Variants in VWA3A observed in about 807,000 individuals in gnomAD.
The protein encoded by VWA3A is von Willebrand factor A domain-containing protein 3A.
VWA3A carries 134 observed loss-of-function variants against 160.4 expected under a neutral mutation model. The observed-to-expected ratio is 0.84, with a 90% CI of 0.73 to 0.96. The LOEUF is 0.96. VWA3A is among the 40% of genes least tolerant of loss of function. VWA3A has a pLI of 0.00. For synonymous variants in VWA3A, 476 were observed against 543.4 expected (o/e 0.88, Z 1.72); for missense variants, 1,310 against 1,447.9 (o/e 0.90, Z 1.55).
At chr16:22,116,653 C>A (rs1276435993) in intron 9 of VWA3A, 106 bp from the exon 10 acceptor site, 11 of 853,932 alleles carry the variant, frequency 1.3e-5, no homozygotes, top group African/African-American at 3.3e-5. Flanking sequence ...ACACAGGTGG[C>A]CAGTTAAGAA....
At chr16:22,142,921 T>C (rs1002450575) in intron 25 of VWA3A, among the ~76,000 whole-genome samples, 156 bp downstream of exon 25, 5 of 151,882 alleles carry the variant, frequency 3.3e-5, no homozygotes, top group African/African-American at 7.3e-5. Context: ...GAGGCTGAGG[T>C]GGGTGGATCA....
intron 17 of VWA3A, among the ~76,000 whole-genome samples, chr16:22,128,423 C>A (rs1277099328): frequency 2.0e-5 from 3 of 151,972 alleles, no homozygotes; most frequent in East Asian, 1.9e-4. Context: ...ATATTAAAGT[C>A]AAAAAATAAC....
In VWA3A at chr16:22,138,515, T is replaced by C; in HGVS notation, c.2292+3T>C. ...CCGTCCCCCTGGGGGCCAGAATGGTTTGACTCCCCTCCTAATAACACGCAG... is the reference window on the plus strand; with the variant it reads ...CCGTCCCCCTGGGGGCCAGAATGGTCTGACTCCCCTCCTAATAACACGCAG... On this transcript the variant is annotated splice_donor_region_variant and intron_variant, in intron 22 of 33. Coordinates refer to ENST00000389398, the MANE Select transcript of VWA3A (RefSeq NM_173615.5). 1 of 1,613,822 alleles carries C rather than the reference T, an allele frequency of 6.2e-7. No individual in the cohort carries two copies.
At chr16:22,115,923 A>AAGGAAGGAAGGG (rs1156229417) in intron 9 of VWA3A, among the ~76,000 whole-genome samples, 2 of 19,560 alleles carry the variant, frequency 1.0e-4, no homozygotes, top group Non-Finnish European at 1.4e-4. Flanking sequence ...GGAAGGAAGG[A>AAGGAAGGAAGGG]AAGGAAAGGA....
intron 21 of VWA3A, among the ~76,000 whole-genome samples, 157 bp from the exon 22 acceptor site, chr16:22,138,203 A>G (rs544712328): frequency 1.3e-5 from 2 of 151,776 alleles, no homozygotes; most frequent in Non-Finnish European, 2.9e-5. Context: ...GGATTGGTCC[A>G]TAGCACTTTC....
At chr16:22,140,485 G>A (rs549462560) in intron 23 of VWA3A, among the ~76,000 whole-genome samples, 4 of 152,192 alleles carry the variant, frequency 2.6e-5, no homozygotes, top group African/African-American at 9.6e-5. Flanking sequence ...CATGCCTGAA[G>A]TCCCCCAAGT....
At chr16:22,098,490 A>G (rs759044384) in intron 3 of VWA3A, among the ~76,000 whole-genome samples, 1 of 152,170 alleles carries the variant, frequency 6.6e-6, no homozygotes, top group African/African-American at 2.4e-5. Flanking sequence ...ATGAAAATGC[A>G]TGACTTCCCA....
chr16:22,095,110 A>G (rs999082946), intron 1 of VWA3A, among the ~76,000 whole-genome samples: 1 of 152,198 alleles, frequency 6.6e-6, no homozygotes, highest in Non-Finnish European at 1.5e-5. Context: ...ATTTTAAAAA[A>G]TCCCTCTAAT....
At chr16:22,132,047 A>G (rs1390816469) in intron 19 of VWA3A, among the ~76,000 whole-genome samples, 1 of 152,112 alleles carries the variant, frequency 6.6e-6, no homozygotes, top group Non-Finnish European at 1.5e-5. Flanking sequence ...CCTGGACAAC[A>G]TAGCAACAAG....
At chr16:22,116,535 C>A (rs1414242256) in intron 9 of VWA3A, among the ~76,000 whole-genome samples, 1 of 152,138 alleles carries the variant, frequency 6.6e-6, no homozygotes, top group African/African-American at 2.4e-5. Context: ...TTCACACACA[C>A]ACGAGGGAAG....
chr16:22,123,206 A>C, intron 15 of VWA3A, 41 bp downstream of exon 15: 1 of 1,550,700 alleles, frequency 6.4e-7, no homozygotes. Flanking sequence ...GGGGTGCAGA[A>C]AGTGGGGACG....
intron 5 of VWA3A, among the ~76,000 whole-genome samples, chr16:22,102,218 G>T (rs2045417634): frequency 6.6e-6 from 1 of 152,086 alleles, no homozygotes; most frequent in Non-Finnish European, 1.5e-5. Context: ...AGGTGTGGTG[G>T]TGTGCATCTA....
intron 6 of VWA3A, among the ~76,000 whole-genome samples, chr16:22,106,612 T>C (rs751870687): frequency 1.3e-5 from 2 of 151,854 alleles, no homozygotes; most frequent in Non-Finnish European, 2.9e-5. Flanking sequence ...GAGTGAGCTA[T>C]GTGGAGAAAG....
chr16:22,145,649 A>AG (rs1158603341), intron 26 of VWA3A, among the ~76,000 whole-genome samples: 1 of 152,018 alleles, frequency 6.6e-6, no homozygotes, highest in Non-Finnish European at 1.5e-5. Flanking sequence ...TCAAAAAAAA[A>AG]AAAAAATCAG....
At chr16:22,094,735 G>A (rs1197490076) in intron 1 of VWA3A, among the ~76,000 whole-genome samples, 1 of 152,102 alleles carries the variant, frequency 6.6e-6, no homozygotes, top group African/African-American at 2.4e-5. Flanking sequence ...GGAGGCCAAG[G>A]CAAGTGGATC....
intron 30 of VWA3A, among the ~76,000 whole-genome samples, chr16:22,151,081 A>C (rs974772141): frequency 2.0e-5 from 3 of 152,100 alleles, no homozygotes; most frequent in Non-Finnish European, 4.4e-5. Context: ...GGAGTTCAAG[A>C]CCAGTCTGGC....
intron 20 of VWA3A, among the ~76,000 whole-genome samples, chr16:22,133,649 CAAAAAAAAAAA>C (rs1230000179): frequency 1.2e-5 from 1 of 82,076 alleles, no homozygotes; most frequent in African/African-American, 4.2e-5. Flanking sequence ...AACTCTGTCT[CAAAAAAAAAAA>C]AAAAAAAAGA....
chr16:22,111,072 T>A (rs1298608756), intron 8 of VWA3A, 78 bp downstream of exon 8: 11 of 1,277,736 alleles, frequency 8.6e-6, no homozygotes, highest in African/African-American at 1.5e-5. Context: ...TATTGAATAA[T>A]TCAACTGCAA....
intron 5 of VWA3A, among the ~76,000 whole-genome samples, chr16:22,102,868 T>C (rs1225110815): frequency 6.6e-6 from 1 of 152,064 alleles, no homozygotes; most frequent in African/African-American, 2.4e-5. Context: ...GAGTGAGCTA[T>C]GTGGAGAAAG....
Sources: gnomAD v4.1 joint callset for allele counts (sites outside exome capture counted in the v4.1 genomes callset) on GRCh38, gnomAD v4.1.1 for gene constraint, MANE v1.5 for transcripts, NCBI Gene and HGNC (gene_info 2026-07-23, HGNC 2026-07-21) for gene names.